DNAH3: variants seen among roughly 807,000 people sequenced by gnomAD.
DNAH3 encodes the protein axonemal beta dynein heavy chain 3.
In DNAH3, 332 loss-of-function variants were observed where a neutral mutation model predicts 432.5. The observed-to-expected ratio is 0.77, with a 90% confidence interval of 0.70 to 0.84. The LOEUF is 0.84. Among genes scored for constraint, DNAH3 ranks in the 40% least tolerant of loss-of-function variants. DNAH3 has a pLI of 0.00. For synonymous variants in DNAH3, 1,956 were observed against 1,900.2 expected (o/e 1.03, Z -0.76); for missense variants, 4,861 against 5,114.0 (o/e 0.95, Z 1.51).
intron 1 of DNAH3, among the ~76,000 whole-genome samples, chr16:21,155,271 G>A (rs1197426107): frequency 1.3e-5 from 2 of 151,978 alleles, no homozygotes; most frequent in Non-Finnish European, 2.9e-5. Flanking sequence ...TGGGCTGCCA[G>A]ACAAAACAGA....
chr16:20,996,225 T>C (rs946538730), intron 44 of DNAH3, among the ~76,000 whole-genome samples: 1 of 152,186 alleles, frequency 6.6e-6, no homozygotes, highest in Non-Finnish European at 1.5e-5. Flanking sequence ...ATGTAGATAA[T>C]ATAATACATA....
At chr16:20,988,585 A>C (rs941036350) in intron 44 of DNAH3, among the ~76,000 whole-genome samples, 4 of 152,178 alleles carry the variant, frequency 2.6e-5, no homozygotes, top group African/African-American at 9.7e-5. Flanking sequence ...GATTGCAGGC[A>C]TGAGACACCG....
rs2084156592 is a variant in DNAH3, at chr16:20,948,490, G to A, written c.11336C>T (p.Ser3779Phe). 6.8e-6 allele frequency: 11 copies of A among 1,613,462 alleles called. No homozygotes were observed. In the Middle Eastern group the frequency reaches 1.0e-3, roughly 146 times the overall value. ...TCCCTGCCCACCCCTTACCTGGTAG[G>A]AGCCATGAGGAGGGATGTAGTAAGT... is the stretch of plus-strand genomic sequence containing the variant. Residue 3779 changes from serine (S) to phenylalanine (F), a missense_variant, in exon 57 of 62, where the codon TCC becomes TTC. Ser to Phe is a radical substitution (Grantham distance 155). Coordinates refer to ENST00000261383, the Ensembl canonical transcript of DNAH3.
intron 50 of DNAH3, among the ~76,000 whole-genome samples, chr16:20,977,107 G>C (rs1807459691): frequency 6.6e-6 from 1 of 152,166 alleles, no homozygotes; most frequent in African/African-American, 2.4e-5. Context: ...AGGCTCAGTG[G>C]TTCACACCTG....
In DNAH3 at chr16:21,061,288, T is replaced by G. The variant is rs1284739018; in HGVS notation, c.3721-932A>C. Among the ~76,000 whole-genome samples, 14 of 134,296 alleles carry G rather than the reference T, an allele frequency of 1.0e-4. No individual in the cohort carries two copies. The East Asian group carries it at 2.7e-3, about 26-fold the overall frequency. 88.1% of individuals were successfully genotyped at this position (134,296 alleles called of 152,430 possible). A position where few individuals can be genotyped will look rare whatever the true frequency, so the allele number is the denominator to read the frequency against. ...TCACTCTTGTCACCCAAGGCTGGAG[T>G]GCAATGGTGTGATCTCGGCTCATTG... On this transcript the variant is annotated intron_variant, in intron 25 of 61. Transcript: ENST00000261383.
chr16:21,056,151 G>T (rs142029340), intron 27 of DNAH3, among the ~76,000 whole-genome samples: 93 of 152,298 alleles, frequency 6.1e-4, no homozygotes, highest in Admixed American at 1.0e-3. Flanking sequence ...CCATTGCTCA[G>T]CTATTATAGA....
At chr16:21,125,285 G>C (rs369700639) in exon 9 of DNAH3, 17 of 1,613,464 alleles carry the variant, frequency 1.1e-5, no homozygotes, top group Admixed American at 1.7e-5. Context: ...TCAATGTTTC[G>C]ACTTGAGTCA....
chr16:21,018,332 G>GA (rs2087968524), intron 41 of DNAH3, among the ~76,000 whole-genome samples: 1 of 152,084 alleles, frequency 6.6e-6, no homozygotes, highest in Non-Finnish European at 1.5e-5. Flanking sequence ...TAGGAATATA[G>GA]AAAAAACTGA....
chr16:20,965,205 C>T (rs937618022), exon 53 of DNAH3: 4 of 1,613,970 alleles, frequency 2.5e-6, no homozygotes, highest in Admixed American at 1.7e-5. Context: ...CGCGATCGTA[C>T]ACCTCCATGG....
exon 48 of DNAH3, chr16:20,985,143 T>G: frequency 6.2e-7 from 1 of 1,614,240 alleles, no homozygotes; most frequent in Non-Finnish European, 8.5e-7. Flanking sequence ...GGGTCCTGGC[T>G]GCAGTCTGCA....
At chr16:20,947,024 C>T (rs1450291355) in intron 57 of DNAH3, among the ~76,000 whole-genome samples, 1 of 151,744 alleles carries the variant, frequency 6.6e-6, no homozygotes, top group Admixed American at 6.6e-5. Context: ...AGAATTTCAC[C>T]ACATTGGCCA....
chr16:21,083,416 T>C (rs2091262127), intron 19 of DNAH3, among the ~76,000 whole-genome samples: 2 of 152,212 alleles, frequency 1.3e-5, no homozygotes, highest in African/African-American at 2.4e-5. Flanking sequence ...AAGAGTGTTA[T>C]AGGCACATGA....
intron 36 of DNAH3, among the ~76,000 whole-genome samples, chr16:21,031,601 CA>C (rs749158288): frequency 0.017 from 2,169 of 125,868 alleles, 15 homozygotes; most frequent in Middle Eastern, 0.029. Flanking sequence ...AGCCGTCTCT[CA>C]AAAAAAAAAA....
chr16:20,984,029 G>GAAAAAAGA (rs2086051499), intron 48 of DNAH3, among the ~76,000 whole-genome samples: 3 of 112,156 alleles, frequency 2.7e-5, no homozygotes, highest in African/African-American at 1.0e-4. Flanking sequence ...CCTATATCCA[G>GAAAAAAGA]AAAAAAAAAA....
chr16:21,057,427 T>G (rs1036664245), intron 27 of DNAH3, among the ~76,000 whole-genome samples: 1 of 152,164 alleles, frequency 6.6e-6, no homozygotes, highest in African/African-American at 2.4e-5. Context: ...TACTGGCATC[T>G]CATTTAACCC....
chr16:21,022,152 G>A lies in DNAH3; in HGVS notation c.5647-52C>T, dbSNP rs113953693. ...TGGAGACATGATCAACAAGTGAGTT[G>A]ACGACCAAGAGCTTGGTCTACCTTG... On this transcript the variant is annotated intron_variant, in intron 39 of 61. Coordinates refer to ENST00000261383, the Ensembl canonical transcript of DNAH3. 3,061 of 1,599,810 alleles carry A rather than the reference G, an allele frequency of 1.9e-3. 47 individuals are homozygous for A. The African/African-American group carries it at 0.037, about 19-fold the overall frequency.
intron 16 of DNAH3, among the ~76,000 whole-genome samples, chr16:21,100,825 T>G (rs1956776916): frequency 6.6e-6 from 1 of 152,182 alleles, no homozygotes; most frequent in Non-Finnish European, 1.5e-5. Flanking sequence ...TTTTTGAAGC[T>G]CCAAATACTA....
chr16:20,981,673 C>T (rs1380965053), intron 49 of DNAH3, among the ~76,000 whole-genome samples: 1 of 151,640 alleles, frequency 6.6e-6, no homozygotes, highest in South Asian at 2.1e-4. Flanking sequence ...TGCTGTGAGC[C>T]GAGATCGCAC....
chr16:20,944,545 AC>A lies in DNAH3; in HGVS notation c.11461del (p.Val3821SerfsTer3), dbSNP rs775955663. On this transcript the variant is annotated frameshift_variant, in exon 58 of 62. Coordinates refer to ENST00000261383, the Ensembl canonical transcript of DNAH3. LOFTEE classifies it high-confidence loss of function. ...TGACTGTCTAGGGAGGGTCAGCAGG[AC>A]CCCCTCAAACAGCTGGTTGGTTTCC... 32 of 1,613,390 alleles carry A rather than the reference AC, an allele frequency of 2.0e-5. No homozygotes were observed. The highest frequency in any genetic ancestry group is 2.5e-5 in the Non-Finnish European group (30 of 1,179,926).
Sources: allele counts gnomAD v4.1 joint callset (sites outside exome capture counted in the v4.1 genomes callset), GRCh38; gene constraint gnomAD v4.1.1; transcripts MANE v1.5; gene names NCBI Gene and HGNC (gene_info 2026-07-23, HGNC 2026-07-21).